Variants in QTMAN observed in about 807,000 individuals in gnomAD.
QTMAN encodes tRNA-queuosine alpha-mannosyltransferase.
At chr2:144,219,638 T>G in the QTMAN span, among the ~76,000 whole-genome samples, 36 of 152,068 alleles carry the variant, frequency 2.4e-4, no homozygotes, top group Admixed American at 2.0e-3. Flanking sequence ...CTGGGCAACA[T>G]AGCAAAACCC....
At chr2:144,320,098 T>C in the QTMAN span, among the ~76,000 whole-genome samples, 1 of 152,234 alleles carries the variant, frequency 6.6e-6, no homozygotes, top group Non-Finnish European at 1.5e-5. Context: ...AGAAGACTAA[T>C]ATTTTGTGAC....
At chr2:144,197,982 T>C in the QTMAN span, among the ~76,000 whole-genome samples, 10 of 152,256 alleles carry the variant, frequency 6.6e-5, no homozygotes, top group South Asian at 2.1e-4. Flanking sequence ...ATTCCTGAAC[T>C]TCAGGAGGCC....
the QTMAN span, among the ~76,000 whole-genome samples, chr2:144,052,604 C>A: frequency 6.6e-6 from 1 of 152,188 alleles, no homozygotes; most frequent in Admixed American, 6.5e-5. Context: ...CAGCAGGAAT[C>A]ATTTTTGATT....
At chr2:144,009,506 C>T in the QTMAN span, among the ~76,000 whole-genome samples, 2 of 152,016 alleles carry the variant, frequency 1.3e-5, no homozygotes, top group Non-Finnish European at 2.9e-5. Context: ...GTTTTGGGGG[C>T]TTCTATGTTT....
chr2:144,008,094 A>G, the QTMAN span, among the ~76,000 whole-genome samples: 1 of 152,134 alleles, frequency 6.6e-6, no homozygotes, highest in African/African-American at 2.4e-5. Flanking sequence ...CTTTATCACA[A>G]AGAGTTCAAT....
the QTMAN span, among the ~76,000 whole-genome samples, chr2:144,246,167 T>C: frequency 6.6e-6 from 1 of 152,178 alleles, no homozygotes. Flanking sequence ...CATGGGCACA[T>C]GTAAAGTATT....
the QTMAN span, chr2:144,208,525 G>T: frequency 8.3e-7 from 1 of 1,203,330 alleles, no homozygotes; most frequent in Non-Finnish European, 1.2e-6. Context: ...AATTCTCAAA[G>T]ATACTGATGG....
the QTMAN span, among the ~76,000 whole-genome samples, chr2:144,062,843 T>C: frequency 6.6e-6 from 1 of 152,310 alleles, no homozygotes; most frequent in Admixed American, 6.5e-5. Flanking sequence ...GGTTCTACTC[T>C]TAATAACAGA....
At chr2:144,089,644 C>T in the QTMAN span, among the ~76,000 whole-genome samples, 1 of 152,046 alleles carries the variant, frequency 6.6e-6, no homozygotes, top group African/African-American at 2.4e-5. Flanking sequence ...CAACAACATA[C>T]ATGGAACTGG....
At chr2:144,106,772 G>C in the QTMAN span, among the ~76,000 whole-genome samples, 1 of 152,286 alleles carries the variant, frequency 6.6e-6, no homozygotes, top group Non-Finnish European at 1.5e-5. Context: ...GACATCTACA[G>C]AACTCTCCAC....
the QTMAN span, among the ~76,000 whole-genome samples, chr2:144,328,380 T>C: frequency 6.6e-6 from 1 of 152,234 alleles, no homozygotes; most frequent in Non-Finnish European, 1.5e-5. Context: ...ACTCCATCTA[T>C]AACTATTTTG....
chr2:144,118,755 C>T, the QTMAN span, among the ~76,000 whole-genome samples: 1 of 152,158 alleles, frequency 6.6e-6, no homozygotes, highest in Non-Finnish European at 1.5e-5. Flanking sequence ...GTGGCGGATG[C>T]CTGTAGTCCC....
At chr2:144,292,360 C>A in the QTMAN span, among the ~76,000 whole-genome samples, 1 of 152,192 alleles carries the variant, frequency 6.6e-6, no homozygotes. Context: ...TTTCCCAAAT[C>A]TTCCCCCATC....
the QTMAN span, among the ~76,000 whole-genome samples, chr2:144,111,483 C>A: frequency 1.1e-4 from 16 of 152,244 alleles, 1 homozygote; most frequent in African/African-American, 3.1e-4. Context: ...TTTTGAGACC[C>A]CTTTCCTAGG....
chr2:144,105,412 A>T, the QTMAN span, among the ~76,000 whole-genome samples: 1 of 152,308 alleles, frequency 6.6e-6, no homozygotes, highest in East Asian at 1.9e-4. Context: ...TCCTTAAATG[A>T]CCTGATGCAG....
chr2:144,208,881 T>G, the QTMAN span: 2 of 755,146 alleles, frequency 2.6e-6, no homozygotes, highest in Non-Finnish European at 4.0e-6. Context: ...AAGTTCAAAT[T>G]TCATACTCAG....
the QTMAN span, among the ~76,000 whole-genome samples, chr2:144,281,058 C>CT: frequency 4.5e-5 from 6 of 134,284 alleles, no homozygotes; most frequent in Middle Eastern, 3.9e-3. Context: ...TCCCTCCCCC[C>CT]GCCCCCACCC....
chr2:144,208,681 G>A, the QTMAN span: 15 of 1,613,860 alleles, frequency 9.3e-6, no homozygotes, highest in Non-Finnish European at 1.3e-5. Context: ...TTTCTTTGCA[G>A]GAAGGGTATA....
At chr2:144,092,223 T>C in the QTMAN span, among the ~76,000 whole-genome samples, 4 of 151,856 alleles carry the variant, frequency 2.6e-5, no homozygotes, top group Non-Finnish European at 5.9e-5. Flanking sequence ...TCACCCAGGC[T>C]GGAGTGCAGT....
Sources: gnomAD v4.1 joint callset for allele counts (sites outside exome capture counted in the v4.1 genomes callset) on GRCh38, gnomAD v4.1.1 for gene constraint, MANE v1.5 for transcripts, NCBI Gene and HGNC (gene_info 2026-07-23, HGNC 2026-07-21) for gene names.